CNOT9: variants seen among roughly 807,000 people sequenced by gnomAD.
CNOT9 encodes RCD1 required for cell differentiation1 homolog.
CNOT9 carries 8 observed loss-of-function variants against 37.4 expected under a neutral mutation model. The ratio of observed to expected loss-of-function variants is 0.21; its 90% CI spans 0.13 to 0.39. The LOEUF (loss-of-function observed/expected upper bound fraction) is 0.39, where lower values mean the gene tolerates loss of function less well. Among genes scored for constraint, CNOT9 ranks in the 10% least tolerant of loss-of-function variants. The probability of loss-of-function intolerance (pLI) is 1.00; values close to 1 mark genes in which losing one functional copy is unlikely to be tolerated. For missense variants in CNOT9, 154 were observed against 365.3 expected, an observed-to-expected ratio of 0.42 and a Z score of 4.71; for synonymous variants, 120 against 137.6, an observed-to-expected ratio of 0.87 and a Z score of 0.90.
In CNOT9 at chr2:218,592,768, C is replaced by T; in HGVS notation, c.731+61C>T. The T allele has an allele frequency of 2.3e-6, 3 of 1,308,412 alleles. No individual in the cohort carries two copies. Among genetic ancestry groups the T allele is most frequent in the Non-Finnish European group, 3.3e-6 (3 of 902,656 alleles). The allele number at this position is 1,308,412 out of a possible 1,614,324, so 81.1% of individuals were successfully genotyped here. On this transcript the variant is annotated intron_variant, in intron 7 of 7. Transcript: ENST00000273064. This position sits in a 1 kb window ranked among gnomAD's most constrained non-coding sequence, Gnocchi z 4.1. ...ATACTCTGCTGAACAGTTTCCTAAT[C>T]TCATGGCATAGCTCCTGTGTCTTTA...
chr2:218,570,707 T>C (rs1242429103), intron 1 of CNOT9, among the ~76,000 whole-genome samples: 1 of 152,246 alleles, frequency 6.6e-6, no homozygotes, highest in Non-Finnish European at 1.5e-5. Flanking sequence ...TGAGCCACTC[T>C]TTTCCCTGTG....
intron 1 of CNOT9, among the ~76,000 whole-genome samples, chr2:218,573,297 A>G (rs141176373): frequency 0.028 from 4,088 of 148,528 alleles, 184 homozygotes; most frequent in African/African-American, 0.096. Context: ...GAGCCTGGGC[A>G]ACAAGAGCGA....
chr2:218,594,138 T>C lies in CNOT9; in HGVS notation c.762T>C (p.Pro254=). Residue 254 remains proline (P), a synonymous_variant, in exon 8 of 8, where the codon CCT becomes CCC. Transcript: ENST00000273064. ...RAREALRQCL[P]DQLKDTTFAQ... is the part of the protein sequence containing the mutation. Reference sequence around the variant, plus strand: ...GTGAAGCACTCAGACAGTGCCTCCCTGACCAGCTGAAAGACACAACCTTCG... The same window carrying C: ...GTGAAGCACTCAGACAGTGCCTCCCCGACCAGCTGAAAGACACAACCTTCG... 1.2e-6 allele frequency: 2 copies of C among 1,614,240 alleles called. No homozygotes were observed. Among genetic ancestry groups the C allele is most frequent in the East Asian group, 2.2e-5 (1 of 44,892 alleles).
intron 1 of CNOT9, among the ~76,000 whole-genome samples, chr2:218,572,298 G>A (rs1694026639): frequency 2.0e-5 from 3 of 152,106 alleles, no homozygotes; most frequent in Admixed American, 6.6e-5. Flanking sequence ...TTCAGCCTGG[G>A]AGACAAGAGC....
chr2:218,593,740 C>T, intron 7 of CNOT9: 1 of 1,208,256 alleles, frequency 8.3e-7, no homozygotes, highest in East Asian at 2.7e-5. Context: ...TTGATGATAT[C>T]CTTGTTAATG....
intron 2 of CNOT9, among the ~76,000 whole-genome samples, chr2:218,582,365 A>C (rs1358640781): frequency 1.3e-5 from 2 of 152,144 alleles, no homozygotes; most frequent in Non-Finnish European, 2.9e-5. Flanking sequence ...AGAATATAAG[A>C]GGAAGTGTAG....
chr2:218,577,648 T>C (rs564933480), intron 1 of CNOT9, among the ~76,000 whole-genome samples: 7 of 152,202 alleles, frequency 4.6e-5, no homozygotes, highest in Non-Finnish European at 1.0e-4. Context: ...AGAAAGAGAA[T>C]ATGTAGGGAT....
At chr2:218,588,287 C>CTTTTTTTTTTTT (rs539751873) in intron 5 of CNOT9, among the ~76,000 whole-genome samples, 3 of 141,552 alleles carry the variant, frequency 2.1e-5, no homozygotes, top group East Asian at 2.1e-4. Context: ...AATCATATAT[C>CTTTTTTTTTTTT]TTTTTTTTTT....
At chr2:218,593,939 T>A in intron 7 of CNOT9, 169 bp from the exon 8 acceptor site, 1 of 953,620 alleles carries the variant, frequency 1.0e-6, no homozygotes, top group African/African-American at 1.7e-5. Flanking sequence ...ATTTTGGAGA[T>A]CTCTAAGCCT....
At chr2:218,581,315 T>A (rs1369432746) in intron 2 of CNOT9, among the ~76,000 whole-genome samples, 1 of 151,646 alleles carries the variant, frequency 6.6e-6, no homozygotes, top group Non-Finnish European at 1.5e-5. Flanking sequence ...ATTATAGGCC[T>A]GCATCACCAT....
At chr2:218,593,109 A>C in intron 7 of CNOT9, 1 of 229,846 alleles carries the variant, frequency 4.4e-6, no homozygotes, top group Non-Finnish European at 8.5e-6. Context: ...GATTCCTATA[A>C]GTTTCTTGAG....
chr2:218,580,587 G>A lies in CNOT9; in HGVS notation c.51G>A (p.Val17=). ...AAPVPTTLAQ[V]DREKIYQWIN... is the part of the protein sequence containing the mutation. ...CTGTGCCTACTACACTGGCACAAGT[G>A]GATAGAGAAAAGATCTATCAGTGGA... Residue 17 remains valine (V), a synonymous_variant, in exon 2 of 8, where the codon GTG becomes GTA. Coordinates refer to ENST00000273064, the MANE Select transcript of CNOT9 (RefSeq NM_005444.3). 1 of 1,613,558 alleles carries A rather than the reference G, an allele frequency of 6.2e-7. No homozygotes were observed. The highest frequency in any genetic ancestry group is 8.5e-7 in the Non-Finnish European group (1 of 1,179,662).
intron 1 of CNOT9, among the ~76,000 whole-genome samples, chr2:218,579,827 T>C (rs558207294): frequency 1.3e-5 from 2 of 150,046 alleles, no homozygotes; most frequent in Non-Finnish European, 1.5e-5. Flanking sequence ...TATTTGTTTG[T>C]TTGTTTATTG....
chr2:218,574,074 A>T (rs1694087010), intron 1 of CNOT9: 1 of 426,152 alleles, frequency 2.3e-6, no homozygotes, highest in South Asian at 1.6e-5. Context: ...GGTTCAGTCG[A>T]TTCTCCCACC....
At position 218,596,350 on chromosome 2, in the gene CNOT9, G is replaced by A. The variant is rs1694925838; in HGVS notation, c.*2074G>A. The stretch of plus-strand genomic sequence containing the variant: ...TCCTGGTGTGTGTATTATATAAAGA[G>A]ACCCCTCCCCTTATTTTGTGTTTTC... On this transcript the variant is annotated 3_prime_UTR_variant, in exon 8 of 8. Coordinates refer to ENST00000273064, the MANE Select transcript of CNOT9 (RefSeq NM_005444.3). 6.6e-6 allele frequency: 1 copy of A among 152,130 alleles called. No homozygotes were observed. Among genetic ancestry groups the A allele is most frequent in the Admixed American group, 6.6e-5 (1 of 15,262 alleles). The allele number at this position is 152,130 out of a possible 1,614,324, so 9.4% of individuals were successfully genotyped here.
intron 1 of CNOT9, among the ~76,000 whole-genome samples, chr2:218,576,250 G>T: frequency 6.6e-6 from 1 of 152,036 alleles, no homozygotes; most frequent in East Asian, 1.9e-4. Context: ...TTTTATTTAG[G>T]AATGTCCAAA....
At chr2:218,584,946 C>G (rs1384459519) in intron 4 of CNOT9, among the ~76,000 whole-genome samples, 1 of 152,160 alleles carries the variant, frequency 6.6e-6, no homozygotes. Flanking sequence ...GGATTAAATT[C>G]AGCATATATG....
In CNOT9 at chr2:218,596,095, A is replaced by G. The variant is rs748966237; in HGVS notation, c.*1819A>G. On this transcript the variant is annotated 3_prime_UTR_variant, in exon 8 of 8. Coordinates refer to ENST00000273064, the MANE Select transcript of CNOT9 (RefSeq NM_005444.3). ...GTTAAGGTAACCCAGATTTTTGACA[A>G]CCGCCTTCCTGCTGAGCCAAAGTTT... 7 of 152,196 alleles carry G rather than the reference A, an allele frequency of 4.6e-5. No individual in the cohort carries two copies. The highest frequency in any genetic ancestry group is 2.1e-4 in the South Asian group (1 of 4,816). The allele number at this position is 152,196 out of a possible 1,614,324, so 9.4% of individuals were successfully genotyped here.
chr2:218,568,971 C>T lies in CNOT9; in HGVS notation c.17C>T (p.Thr6Met). Residue 6 changes from threonine to methionine, a missense_variant, in exon 1 of 8, where the codon ACG (threonine) becomes ATG (methionine). Around this residue, in one of 2 missense-constraint regions of CNOT9, gnomAD observed 37 missense variants for 39.9 expected, o/e 0.93. Transcript: ENST00000273064. ...GCTCACAACATGCACAGCCTGGCGA[C>T]GGCTGCGGTGAGTGGCTGGGCCCCC... MHSLA[T>M]AAPVPTTLAQ... The T allele has an allele frequency of 6.2e-7, 1 of 1,610,966 alleles. No individual in the cohort carries two copies. Among genetic ancestry groups the T allele is most frequent in the Non-Finnish European group, 8.5e-7 (1 of 1,178,672 alleles).
Sources: gnomAD v4.1 joint callset for allele counts (sites outside exome capture counted in the v4.1 genomes callset) on GRCh38, gnomAD v4.1.1 for gene constraint, gnomAD v4.1.1 regional missense constraint, Gnocchi (gnomAD v3.1) non-coding constraint, MANE v1.5 for transcripts, NCBI Gene and HGNC (gene_info 2026-07-23, HGNC 2026-07-21) for gene names.